The following IDH1 variants were observed in gnomAD, a reference collection of about 807,000 sequenced individuals.
The protein encoded by IDH1 is isocitrate dehydrogenase (NADP(+)) 1, also known as isocitrate dehydrogenase [NADP] cytoplasmic.
Under a neutral mutation model 46.1 loss-of-function variants are expected in IDH1, and 33 were observed. The observed-to-expected ratio is 0.72, with a 90% confidence interval of 0.54 to 0.96. The LOEUF (loss-of-function observed/expected upper bound fraction) is 0.96, where lower values mean the gene tolerates loss of function less well. IDH1 is among the 40% of genes least tolerant of loss of function. The probability of loss-of-function intolerance (pLI) is 0.00; values close to 1 mark genes in which losing one functional copy is unlikely to be tolerated. For synonymous variants in IDH1, 144 were observed against 172.8 expected (o/e 0.83, Z 1.31); for missense variants, 421 against 515.7 (o/e 0.82, Z 1.78).
intron 9 of IDH1, 45 bp downstream of exon 9, chr2:208,239,026 A>AT: frequency 6.5e-7 from 1 of 1,535,158 alleles, no homozygotes; most frequent in Non-Finnish European, 9.0e-7. Flanking sequence ...CCCAGTGAGG[A>AT]TAAGTGTTAA....
rs147684527 is a variant in IDH1 at position 208,248,489 on chromosome 2, G to A, written c.294C>T (p.Thr98=). The A allele has an allele frequency of 6.2e-7, 1 of 1,614,084 alleles. No individual in the cohort carries two copies. Among genetic ancestry groups the A allele is most frequent in the African/African-American group, 1.3e-5 (1 of 75,030 alleles). ...LKQMWKSPNG[T]IRNILGGTVF... ...CCGTGCCACCCAGAATATTTCGTAT[G>A]GTGCCATTTGGTGATTTCCACATTT... is the stretch of plus-strand genomic sequence containing the variant. The change falls in exon 4 of 10, where the codon ACC becomes ACT. Residue 98 remains threonine (T), a synonymous_variant. Transcript: ENST00000345146.
chr2:208,241,088 A>G (rs948602085), intron 7 of IDH1, among the ~76,000 whole-genome samples: 1 of 152,234 alleles, frequency 6.6e-6, no homozygotes, highest in African/African-American at 2.4e-5. Flanking sequence ...CTTGGTGCTG[A>G]GGAAACCAGG....
At chr2:208,240,575 C>G (rs1687900764) in intron 7 of IDH1, among the ~76,000 whole-genome samples, 2 of 152,116 alleles carry the variant, frequency 1.3e-5, no homozygotes, top group Non-Finnish European at 2.9e-5. Context: ...GAAGAGAAGG[C>G]AGGTAAACAC....
At chr2:208,238,075 A>G (rs1295518196) in intron 9 of IDH1, among the ~76,000 whole-genome samples, 2 of 145,966 alleles carry the variant, frequency 1.4e-5, no homozygotes, top group South Asian at 2.2e-4. Context: ...TCGCTCTGTC[A>G]CGCAGGCTGG....
At chr2:208,238,070 C>G (rs1235974380) in intron 9 of IDH1, among the ~76,000 whole-genome samples, 1 of 147,466 alleles carries the variant, frequency 6.8e-6, no homozygotes, top group Non-Finnish European at 1.5e-5. Flanking sequence ...GAGTCTCGCT[C>G]TGTCACGCAG....
chr2:208,246,899 C>T (rs1416103829), intron 4 of IDH1, among the ~76,000 whole-genome samples: 2 of 152,118 alleles, frequency 1.3e-5, no homozygotes, highest in East Asian at 3.9e-4. Context: ...GCCAAGATCA[C>T]ACCACTGCAC....
chr2:208,242,851 G>A (rs988857990), intron 6 of IDH1, among the ~76,000 whole-genome samples: 5 of 150,148 alleles, frequency 3.3e-5, no homozygotes, highest in South Asian at 2.1e-4. Flanking sequence ...TGCAACCTCC[G>A]CCTCCCGGGT....
Position 208,236,498 on chromosome 2 carries a change from G to A in IDH1, c.*581C>T, listed in dbSNP as rs1160224940. The stretch of plus-strand genomic sequence containing the variant: ...TATTCCGGATTCCAAACTCTCCTGC[G>A]GCCTAAACAGTATTTAGTCTATTGG... On this transcript the variant is annotated 3_prime_UTR_variant, in exon 10 of 10. Transcript: ENST00000345146. The A allele has an allele frequency of 1.3e-5, 3 of 233,026 alleles. No individual in the cohort carries two copies. The highest frequency in any genetic ancestry group is 2.5e-5 in the Non-Finnish European group (3 of 118,142). The allele number at this position is 233,026 out of a possible 1,614,324, so 14.4% of individuals were successfully genotyped here. A position where few individuals can be genotyped will look rare whatever the true frequency, so the allele number is the denominator to read the frequency against.
At chr2:208,239,778 C>G in intron 8 of IDH1, 85 bp downstream of exon 8, 1 of 1,373,426 alleles carries the variant, frequency 7.3e-7, no homozygotes, top group South Asian at 1.2e-5. Flanking sequence ...ACTTTGCACA[C>G]AAAACACTGA....
intron 7 of IDH1, among the ~76,000 whole-genome samples, chr2:208,241,654 A>C (rs1687921737): frequency 6.6e-6 from 1 of 151,918 alleles, no homozygotes; most frequent in Non-Finnish European, 1.5e-5. Flanking sequence ...CAAGCTCCTC[A>C]CTTTATCCCT....
In IDH1 at chr2:208,243,368, A is replaced by G. The variant is rs1687956162; in HGVS notation, c.698+59T>C. On this transcript the variant is annotated intron_variant, in intron 6 of 9. Transcript: ENST00000345146. ...ATAGGGATAGGGAGATACATACTCTATATGCAAATGTCAGCTTACTTGAGA... is the reference window on the plus strand; with the variant it reads ...ATAGGGATAGGGAGATACATACTCTGTATGCAAATGTCAGCTTACTTGAGA... The G allele has an allele frequency of 7.3e-6, 9 of 1,231,600 alleles. 1 individual carries two copies. In the South Asian group the frequency reaches 9.7e-5, roughly 13 times the overall value. The allele number at this position is 1,231,600 out of a possible 1,614,324, so 76.3% of individuals were successfully genotyped here.
intron 2 of IDH1, among the ~76,000 whole-genome samples, chr2:208,252,626 T>C (rs1316582247): frequency 6.6e-6 from 1 of 152,152 alleles, no homozygotes; most frequent in Non-Finnish European, 1.5e-5. Context: ...TCTTAAGGAC[T>C]AAAAAAGTCA....
At position 208,248,718 on chromosome 2, in the gene IDH1, C is replaced by A. The variant is rs2124864362; in HGVS notation, c.123-58G>T. On this transcript the variant is annotated intron_variant, in intron 3 of 9. Coordinates refer to ENST00000345146, the MANE Select transcript of IDH1 (RefSeq NM_005896.4). ...CAGACAAATGGATAGTTATAACCTA[C>A]AACTGCAGTGATGGCATATAGAGCT... The A allele has an allele frequency of 2.7e-6, 4 of 1,462,188 alleles. No individual in the cohort carries two copies. The South Asian group carries it at 4.6e-5, about 17-fold the overall frequency. The allele number at this position is 1,462,188 out of a possible 1,614,324, so 90.6% of individuals were successfully genotyped here.
intron 1 of IDH1, 83 bp from the exon 2 acceptor site, chr2:208,254,042 C>A (rs1688169646): frequency 6.6e-6 from 1 of 152,212 alleles, no homozygotes; most frequent in Admixed American, 6.5e-5. Flanking sequence ...TGCCAGACAG[C>A]CCAGTTTATC....
Position 208,237,071 on chromosome 2 carries a change from G to A in IDH1, c.*8C>T, listed in dbSNP as rs1687824031. ...AAGACAATTATCCTTCTTAGCTCAG[G>A]TATGAACTTAAAGTTTGGCCTGAGC... On this transcript the variant is annotated 3_prime_UTR_variant, in exon 10 of 10. Transcript: ENST00000345146. The A allele has an allele frequency of 2.0e-6, 3 of 1,492,294 alleles. No homozygotes were observed. Among genetic ancestry groups the A allele is most frequent in the Non-Finnish European group, 2.8e-6 (3 of 1,071,250 alleles). 92.4% of individuals were successfully genotyped at this position (1,492,294 alleles called of 1,614,324 possible). A position where few individuals can be genotyped will look rare whatever the true frequency, so the allele number is the denominator to read the frequency against.
At chr2:208,240,533 C>T (rs747166812) in intron 7 of IDH1, among the ~76,000 whole-genome samples, 2 of 152,024 alleles carry the variant, frequency 1.3e-5, no homozygotes, top group Non-Finnish European at 2.9e-5. Flanking sequence ...TCTTAAGAAC[C>T]CTCAAGCTGC....
intron 4 of IDH1, chr2:208,247,672 A>G (rs1688048932): frequency 6.6e-6 from 1 of 152,260 alleles, no homozygotes; most frequent in African/African-American, 2.4e-5. Context: ...TTATTGAAAT[A>G]CTTTTCATTT....
At chr2:208,244,063 T>C (rs2124854768) in intron 5 of IDH1, among the ~76,000 whole-genome samples, 1 of 152,350 alleles carries the variant, frequency 6.6e-6, no homozygotes, top group Non-Finnish European at 1.5e-5. Flanking sequence ...CCCTTATGAA[T>C]GGCTTAGGAC....
rs1161624965 is a variant in IDH1, at chr2:208,251,567, C to G, written c.-16G>C. Reference sequence around the variant, plus strand: ...TTTTGGACATTTTGACTTCAATAAACCTAAAAAGAAAAAAAAAATACATGC... The same window carrying G: ...TTTTGGACATTTTGACTTCAATAAAGCTAAAAAGAAAAAAAAAATACATGC... On this transcript the variant is annotated splice_region_variant and 5_prime_UTR_variant, in exon 3 of 10. Transcript: ENST00000345146. 6.2e-7 allele frequency: 1 copy of G among 1,606,270 alleles called. No individual in the cohort carries two copies. Among genetic ancestry groups the G allele is most frequent in the Non-Finnish European group, 8.5e-7 (1 of 1,176,776 alleles).
Sources: gnomAD v4.1 joint callset for allele counts (sites outside exome capture counted in the v4.1 genomes callset) on GRCh38, gnomAD v4.1.1 for gene constraint, MANE v1.5 for transcripts, NCBI Gene and HGNC (gene_info 2026-07-23, HGNC 2026-07-21) for gene names.